Variants in KAZN observed in about 807,000 individuals in gnomAD.
KAZN encodes kazrin.
KAZN carries 40 observed loss-of-function variants against 87.4 expected under a neutral mutation model. The ratio of observed to expected loss-of-function variants is 0.46; its 90% confidence interval spans 0.36 to 0.60. KAZN has a LOEUF of 0.60. Ranked by LOEUF, KAZN falls within the 20% of genes least tolerant of loss-of-function variation. KAZN has a pLI of 0.00. For synonymous variants in KAZN, 466 were observed against 458.3 expected (o/e 1.02, Z -0.22); for missense variants, 898 against 1,073.9 (o/e 0.84, Z 2.29).
rs200407205 is a variant in KAZN at position 14,579,628 on chromosome 1, A to C, written c.250-19355A>C. Reference sequence around the variant, plus strand: ...CAACACAGCGAGACTCCGTCTCAAAAAAAAATTAAAAAAAAAAAAAAAGAA... The same window carrying C: ...CAACACAGCGAGACTCCGTCTCAAACAAAAATTAAAAAAAAAAAAAAAGAA... On this transcript the variant is annotated intron_variant, in intron 2 of 16. Transcript: ENST00000636203. Among the ~76,000 whole-genome samples, 34 of 152,162 alleles carry C rather than the reference A, an allele frequency of 2.2e-4. 1 individual carries two copies. The East Asian group carries it at 6.4e-3, about 29-fold the overall frequency.
chr1:13,923,537 C>T (rs1315694036), intron 1 of KAZN, among the ~76,000 whole-genome samples: 103 of 146,056 alleles, frequency 7.1e-4, no homozygotes, highest in African/African-American at 2.5e-3. Context: ...CGCGCCACTG[C>T]ACTCCAGCCT....
At chr1:14,025,839 C>T (rs1222903161) in intron 1 of KAZN, among the ~76,000 whole-genome samples, 4 of 152,120 alleles carry the variant, frequency 2.6e-5, no homozygotes, top group Non-Finnish European at 5.9e-5. Flanking sequence ...CCCCAGTGAA[C>T]CACCTGCATT....
At chr1:14,231,789 A>G (rs1647878093) in intron 2 of KAZN, among the ~76,000 whole-genome samples, 1 of 152,206 alleles carries the variant, frequency 6.6e-6, no homozygotes, top group Non-Finnish European at 1.5e-5. Context: ...TCCAAATCTC[A>G]CCTGCTTAGT....
intron 1 of KAZN, among the ~76,000 whole-genome samples, chr1:14,936,995 A>G (rs923747308): frequency 8.6e-5 from 13 of 152,022 alleles, no homozygotes; most frequent in African/African-American, 2.9e-4. Context: ...TGCCTCTGTT[A>G]TCTTCCCACC....
chr1:14,599,850 G>A lies in KAZN; in HGVS notation c.226+627G>A, dbSNP rs1426003937. 6.6e-6 allele frequency among the ~76,000 whole-genome samples: 1 copy of A among 152,036 alleles called. No homozygotes were observed. The highest frequency in any genetic ancestry group is 1.9e-4 in the East Asian group (1 of 5,184). On this transcript the variant is annotated intron_variant, in intron 1 of 14. Transcript: ENST00000376030. This position sits in a 1 kb window ranked among gnomAD's most constrained non-coding sequence, Gnocchi z 4.4. ...ATAAACACCGAGAGCACTTTCCAGG[G>A]GGATACTGTAGACCTCAAAGGTTGA...
At chr1:14,270,794 A>G (rs1257134729) in intron 2 of KAZN, among the ~76,000 whole-genome samples, 1 of 152,102 alleles carries the variant, frequency 6.6e-6, no homozygotes, top group Non-Finnish European at 1.5e-5. Flanking sequence ...TCTGGACCTC[A>G]TAAGGCACTA....
chr1:14,251,643 CTT>C lies in KAZN; in HGVS notation c.249+71075_249+71076del, dbSNP rs549092023. On this transcript the variant is annotated intron_variant, in intron 2 of 16. Transcript: ENST00000636203. ...AGGCACAGTGAAAAGTTCTCCCGGACTTTTTTTTTTTTTTTTTTTTTTTTTGA... is the reference window on the plus strand; with the variant it reads ...AGGCACAGTGAAAAGTTCTCCCGGACTTTTTTTTTTTTTTTTTTTTTTTGA... Among the ~76,000 whole-genome samples the C allele has an allele frequency of 1.8e-3, 166 of 90,322 alleles. 2 individuals carry two copies. In the East Asian group the frequency reaches 0.026, roughly 14 times the overall value. The allele number at this position is 90,322 out of a possible 152,430, so 59.3% of individuals were successfully genotyped here.
chr1:14,656,435 C>A (rs981988413), intron 1 of KAZN, among the ~76,000 whole-genome samples: 1 of 152,196 alleles, frequency 6.6e-6, no homozygotes, highest in Non-Finnish European at 1.5e-5. Context: ...CTCAAGATAC[C>A]AACAATTGCC....
At chr1:14,664,278 C>T (rs964568672) in intron 1 of KAZN, among the ~76,000 whole-genome samples, 2 of 152,132 alleles carry the variant, frequency 1.3e-5, no homozygotes, top group East Asian at 3.9e-4. Context: ...ACTAAAACTA[C>T]AAAAATTAGC....
intron 1 of KAZN, among the ~76,000 whole-genome samples, chr1:14,736,377 C>G (rs1172914117): frequency 6.6e-6 from 1 of 150,574 alleles, no homozygotes; most frequent in Non-Finnish European, 1.5e-5. Flanking sequence ...CGGCTCACTG[C>G]AACCTCTGCC....
At chr1:14,999,517 T>TCCCCCCCCCCCCCCCCCCC (rs1557701638) in intron 2 of KAZN, among the ~76,000 whole-genome samples, 1 of 80,992 alleles carries the variant, frequency 1.2e-5, no homozygotes. Flanking sequence ...CGCCCCGCCA[T>TCCCCCCCCCCCCCCCCCCC]CCAGACCTTG....
At chr1:15,055,720 A>T (rs1189792447) in intron 4 of KAZN, among the ~76,000 whole-genome samples, 1 of 152,214 alleles carries the variant, frequency 6.6e-6, no homozygotes, top group African/African-American at 2.4e-5. Flanking sequence ...AAGAGGGACC[A>T]TGTTTATGTA....
At chr1:14,219,136 AG>A (rs1647034450) in intron 2 of KAZN, among the ~76,000 whole-genome samples, 1 of 152,146 alleles carries the variant, frequency 6.6e-6, no homozygotes, top group Admixed American at 6.6e-5. Flanking sequence ...GAGAGACCAA[AG>A]GGTAACCTGT....
intron 1 of KAZN, among the ~76,000 whole-genome samples, chr1:14,722,327 A>G (rs1025456055): frequency 1.3e-5 from 2 of 152,206 alleles, no homozygotes; most frequent in African/African-American, 4.8e-5. Context: ...TATTGTTATT[A>G]AAAGAAATTA....
intron 1 of KAZN, among the ~76,000 whole-genome samples, chr1:13,948,511 G>A (rs1179370832): frequency 1.3e-5 from 2 of 152,056 alleles, no homozygotes; most frequent in Admixed American, 6.6e-5. Context: ...ACCTCTTTTC[G>A]GTGTAAATTA....
At chr1:14,723,158 A>G (rs1643203855) in intron 1 of KAZN, among the ~76,000 whole-genome samples, 1 of 151,716 alleles carries the variant, frequency 6.6e-6, no homozygotes, top group Non-Finnish European at 1.5e-5. Context: ...TAAAATCTCC[A>G]TTTCCTCCTC....
intron 1 of KAZN, among the ~76,000 whole-genome samples, chr1:14,936,288 C>T (rs1660448315): frequency 6.6e-6 from 1 of 152,218 alleles, no homozygotes; most frequent in East Asian, 1.9e-4. Context: ...GGAAGTGCTT[C>T]ACTCACTCTG....
chr1:14,729,558 G>A (rs1284983757), intron 1 of KAZN, among the ~76,000 whole-genome samples: 3 of 152,234 alleles, frequency 2.0e-5, no homozygotes, highest in Non-Finnish European at 4.4e-5. Flanking sequence ...GAATGGGAAG[G>A]TGTGTGAATG....
At chr1:14,450,814 C>T (rs933082014) in intron 2 of KAZN, among the ~76,000 whole-genome samples, 1 of 152,074 alleles carries the variant, frequency 6.6e-6, no homozygotes, top group Non-Finnish European at 1.5e-5. Context: ...GTTTGGATGT[C>T]ATCCCCTCTA....
Sources: allele counts gnomAD v4.1 joint callset (sites outside exome capture counted in the v4.1 genomes callset), GRCh38; gene constraint gnomAD v4.1.1; non-coding constraint Gnocchi (gnomAD v3.1); transcripts MANE v1.5; gene names NCBI Gene and HGNC (gene_info 2026-07-23, HGNC 2026-07-21).